The following HDAC9 variants were observed in gnomAD, a reference collection of about 807,000 sequenced individuals.
The protein encoded by HDAC9 is MEF-2 interacting transcription repressor (MITR) protein.
HDAC9 carries 41 observed loss-of-function variants against 139.4 expected under a neutral mutation model. The ratio of observed to expected loss-of-function variants is 0.29; its 90% CI spans 0.23 to 0.38. The LOEUF (loss-of-function observed/expected upper bound fraction) is 0.38. Among genes scored for constraint, HDAC9 ranks in the 10% least tolerant of loss-of-function variants. The probability of loss-of-function intolerance (pLI) is 1.00; values close to 1 mark genes in which losing one functional copy is unlikely to be tolerated. For missense variants in HDAC9, 1,147 were observed against 1,297.0 expected (o/e 0.88, Z 1.78); for synonymous variants, 517 against 476.2 (o/e 1.09, Z -1.12).
At chr7:18,242,075 T>C (rs562404218) in intron 2 of HDAC9, among the ~76,000 whole-genome samples, 1 of 152,182 alleles carries the variant, frequency 6.6e-6, no homozygotes, top group Admixed American at 6.5e-5. Context: ...CTGGATCCCA[T>C]GCATTTCCCC....
chr7:18,617,074 C>A (rs145245900), intron 6 of HDAC9, among the ~76,000 whole-genome samples: 10 of 152,276 alleles, frequency 6.6e-5, no homozygotes, highest in African/African-American at 2.4e-4. Flanking sequence ...TCATCCAGTA[C>A]TAACTTCTGT....
intron 1 of HDAC9, among the ~76,000 whole-genome samples, chr7:18,462,815 T>C (rs781416878): frequency 6.6e-6 from 1 of 152,054 alleles, no homozygotes; most frequent in African/African-American, 2.4e-5. Flanking sequence ...GTGTCCAGTT[T>C]TGATCATGTT....
At chr7:18,152,865 A>G (rs1443372572) in intron 1 of HDAC9, among the ~76,000 whole-genome samples, 4 of 152,244 alleles carry the variant, frequency 2.6e-5, no homozygotes, top group Non-Finnish European at 5.9e-5. Flanking sequence ...AAAGAACAAT[A>G]TCTGATATGA....
intron 12 of HDAC9, among the ~76,000 whole-genome samples, chr7:18,717,749 A>T (rs1784814310): frequency 6.6e-6 from 1 of 152,098 alleles, no homozygotes; most frequent in Admixed American, 6.5e-5. Flanking sequence ...GCATAAACAC[A>T]CACAACATAT....
chr7:18,686,316 A>G (rs1782266141), intron 12 of HDAC9, among the ~76,000 whole-genome samples: 1 of 152,044 alleles, frequency 6.6e-6, no homozygotes, highest in Admixed American at 6.6e-5. Flanking sequence ...GCACTTGTAG[A>G]AAGCAAAGGC....
chr7:18,189,225 C>T (rs1584539045), intron 2 of HDAC9, among the ~76,000 whole-genome samples: 1 of 151,852 alleles, frequency 6.6e-6, no homozygotes, highest in South Asian at 2.1e-4. Flanking sequence ...CCATCATCCT[C>T]AGCAAACTAA....
At chr7:18,396,865 G>A (rs11768283) in intron 1 of HDAC9, among the ~76,000 whole-genome samples, 8,696 of 152,104 alleles carry the variant, frequency 0.057, 248 homozygotes, top group Middle Eastern at 0.078. Flanking sequence ...GTCAAAGGTT[G>A]TCATTGTGTT....
intron 1 of HDAC9, among the ~76,000 whole-genome samples, chr7:18,490,429 T>C (rs1796277652): frequency 6.6e-6 from 1 of 152,062 alleles, no homozygotes; most frequent in Admixed American, 6.6e-5. Context: ...AAAGTTTTTG[T>C]TGTCGTTGAT....
intron 2 of HDAC9, among the ~76,000 whole-genome samples, chr7:18,255,281 C>G (rs931896312): frequency 6.6e-6 from 1 of 152,100 alleles, no homozygotes; most frequent in Admixed American, 6.5e-5. Context: ...TGGAATTGGT[C>G]AGGAGACAGA....
chr7:18,827,934 T>A (rs1562969285), intron 17 of HDAC9, among the ~76,000 whole-genome samples: 1 of 152,112 alleles, frequency 6.6e-6, no homozygotes, highest in Non-Finnish European at 1.5e-5. Flanking sequence ...TATTAATATA[T>A]TACCATCAGA....
At position 18,256,176 on chromosome 7, in the gene HDAC9, G is replaced by A. The variant is rs537552618; in HGVS notation, c.25+93827G>A. On this transcript the variant is annotated intron_variant, in intron 2 of 12. Transcript: ENST00000417496. ...ATCTGAGATTATTATACAATGCCCC[G>A]TATTTTAGGGTTCCTACAAAAGATA... Among the ~76,000 whole-genome samples, 17 of 152,092 alleles carry A rather than the reference G, an allele frequency of 1.1e-4. No homozygotes were observed. In the East Asian group the frequency reaches 2.1e-3, roughly 19 times the overall value.
intron 3 of HDAC9, among the ~76,000 whole-genome samples, chr7:18,588,614 T>C (rs995400686): frequency 6.6e-6 from 1 of 152,218 alleles, no homozygotes; most frequent in Non-Finnish European, 1.5e-5. Context: ...TCTGGTTGTT[T>C]GGCATCACTG....
intron 2 of HDAC9, among the ~76,000 whole-genome samples, chr7:18,574,665 C>G (rs1761643050): frequency 6.6e-6 from 1 of 152,248 alleles, no homozygotes; most frequent in Admixed American, 6.5e-5. Context: ...CCCTCAATCT[C>G]CCACTCATGC....
chr7:18,174,870 C>A (rs973164840), intron 2 of HDAC9, among the ~76,000 whole-genome samples: 1 of 152,178 alleles, frequency 6.6e-6, no homozygotes. Context: ...TGTCATTCTG[C>A]CCCTGCTGGG....
chr7:18,984,416 G>C (rs765428454), intron 25 of HDAC9, among the ~76,000 whole-genome samples: 3 of 151,986 alleles, frequency 2.0e-5, no homozygotes, highest in Admixed American at 6.6e-5. Context: ...ATTACCATTC[G>C]AATTTGAGTT....
At chr7:18,329,432 A>G (rs1048466537) in intron 1 of HDAC9, among the ~76,000 whole-genome samples, 1 of 151,748 alleles carries the variant, frequency 6.6e-6, no homozygotes, top group Non-Finnish European at 1.5e-5. Context: ...TAAATATACA[A>G]TTATTATTTG....
At chr7:18,747,176 A>G (rs1379314054) in intron 13 of HDAC9, among the ~76,000 whole-genome samples, 3 of 152,188 alleles carry the variant, frequency 2.0e-5, no homozygotes, top group Non-Finnish European at 2.9e-5. Flanking sequence ...GAAGCTGGAA[A>G]GATGGGGAGG....
chr7:18,164,820 T>C (rs1242011295), intron 2 of HDAC9, among the ~76,000 whole-genome samples: 1 of 152,208 alleles, frequency 6.6e-6, no homozygotes, highest in Non-Finnish European at 1.5e-5. Flanking sequence ...GCCTTGGGTA[T>C]TGCTTTTGGG....
intron 6 of HDAC9, among the ~76,000 whole-genome samples, chr7:18,613,105 AATAT>A (rs1268308187): frequency 6.8e-6 from 1 of 147,992 alleles, no homozygotes; most frequent in African/African-American, 2.4e-5. Flanking sequence ...TTTATATATA[AATAT>A]ATATAAGTAT....
Sources: allele counts gnomAD v4.1 joint callset (sites outside exome capture counted in the v4.1 genomes callset), GRCh38; gene constraint gnomAD v4.1.1; transcripts MANE v1.5; gene names NCBI Gene and HGNC (gene_info 2026-07-23, HGNC 2026-07-21).